Variants in PDE4D observed in about 807,000 individuals in gnomAD.
The protein encoded by PDE4D is phosphodiesterase 4D.
PDE4D carries 24 observed loss-of-function variants against 87.4 expected under a neutral mutation model. The observed-to-expected ratio is 0.27, with a 90% confidence interval of 0.20 to 0.39. The LOEUF (loss-of-function observed/expected upper bound fraction) is 0.39, where lower values mean the gene tolerates loss of function less well. Among genes scored for constraint, PDE4D ranks in the 10% least tolerant of loss-of-function variants. PDE4D has a pLI of 1.00. For synonymous variants in PDE4D, 384 were observed against 383.2 expected (o/e 1.00, Z -0.02); for missense variants, 714 against 1,041.0 (o/e 0.69, Z 4.32).
At chr5:59,489,751 G>A (rs1210690769) in intron 1 of PDE4D, among the ~76,000 whole-genome samples, 1 of 152,132 alleles carries the variant, frequency 6.6e-6, no homozygotes, top group African/African-American at 2.4e-5. Context: ...AAAGAAACTT[G>A]CAATGAAAGA....
intron 1 of PDE4D, among the ~76,000 whole-genome samples, chr5:59,708,662 T>G (rs925100957): frequency 6.6e-5 from 10 of 152,166 alleles, no homozygotes; most frequent in African/African-American, 2.4e-4. Flanking sequence ...AGGACACCTA[T>G]GTACCTTATC....
intron 3 of PDE4D, among the ~76,000 whole-genome samples, chr5:59,186,660 A>G (rs1253597115): frequency 6.6e-6 from 1 of 152,198 alleles, no homozygotes. Flanking sequence ...TGTGTAAGTC[A>G]ATGGAGAGCT....
At chr5:59,672,103 G>T (rs1310844868) in intron 1 of PDE4D, among the ~76,000 whole-genome samples, 1 of 152,146 alleles carries the variant, frequency 6.6e-6, no homozygotes, top group East Asian at 1.9e-4. Flanking sequence ...GGCAGGGCTG[G>T]AGCTAAAGTT....
intron 1 of PDE4D, among the ~76,000 whole-genome samples, chr5:59,749,360 A>C (rs1760092860): frequency 6.6e-6 from 1 of 152,074 alleles, no homozygotes; most frequent in Non-Finnish European, 1.5e-5. Flanking sequence ...TCCTGGGTTC[A>C]AGTGATGATT....
chr5:59,031,383 ATATATATATTAT>A (rs1299365436), intron 6 of PDE4D, among the ~76,000 whole-genome samples: 3 of 62,664 alleles, frequency 4.8e-5, no homozygotes, highest in South Asian at 4.7e-4. Flanking sequence ...ATATATATAT[ATATATATATTAT>A]ATATATATAT....
chr5:59,587,583 G>A (rs374859215), intron 1 of PDE4D: 1 of 985,422 alleles, frequency 1.0e-6, no homozygotes, highest in South Asian at 4.7e-5. Context: ...GCTCTGATCA[G>A]CTCAGGACAC....
At chr5:60,362,596 G>A (rs753650254) in intron 1 of PDE4D, among the ~76,000 whole-genome samples, 9 of 152,132 alleles carry the variant, frequency 5.9e-5, no homozygotes, top group South Asian at 2.1e-4. Flanking sequence ...AGTGGCTCAC[G>A]CCTGTAATCC....
intron 12 of PDE4D, among the ~76,000 whole-genome samples, chr5:58,976,979 G>C (rs774957111): frequency 4.6e-5 from 7 of 152,152 alleles, no homozygotes; most frequent in Admixed American, 1.3e-4. Flanking sequence ...TGATGAGGGT[G>C]AGCTGACATT....
intron 1 of PDE4D, among the ~76,000 whole-genome samples, chr5:59,451,486 C>T (rs17728654): frequency 0.085 from 12,916 of 152,210 alleles, 569 homozygotes; most frequent in Middle Eastern, 0.11. Context: ...TGGGGATAAC[C>T]GACATATACC....
chr5:59,284,187 A>G (rs1242503401), intron 1 of PDE4D, among the ~76,000 whole-genome samples: 1 of 152,160 alleles, frequency 6.6e-6, no homozygotes, highest in Admixed American at 6.5e-5. Flanking sequence ...TGCAATCTGA[A>G]TTAGGTGTCT....
chr5:60,330,558 G>A (rs1757230569), intron 1 of PDE4D, among the ~76,000 whole-genome samples: 1 of 152,158 alleles, frequency 6.6e-6, no homozygotes, highest in Non-Finnish European at 1.5e-5. Flanking sequence ...AGCCAGCATG[G>A]GTGGCCCACA....
chr5:59,717,306 A>G (rs1323153605), intron 1 of PDE4D, among the ~76,000 whole-genome samples: 1 of 152,228 alleles, frequency 6.6e-6, no homozygotes, highest in Non-Finnish European at 1.5e-5. Flanking sequence ...TCTCACTCTC[A>G]GAAATGCAAA....
chr5:59,038,853 G>T lies in PDE4D; in HGVS notation c.921+6C>A. 1.3e-6 allele frequency: 2 copies of T among 1,536,318 alleles called. No homozygotes were observed. Among genetic ancestry groups the T allele is most frequent in the Non-Finnish European group, 8.8e-7 (1 of 1,139,732 alleles). ...GGGCACCAGTGACAGCAGAACCGGG[G>T]CTTACCTTGTTGGAGGCCATCTCAC... On this transcript the variant is annotated splice_donor_region_variant and intron_variant, in intron 6 of 14. Coordinates refer to ENST00000340635, the MANE Select transcript of PDE4D (RefSeq NM_001104631.2).
intron 1 of PDE4D, among the ~76,000 whole-genome samples, chr5:59,234,284 TTTTC>T (rs139099011): frequency 2.0e-4 from 30 of 152,286 alleles, no homozygotes; most frequent in African/African-American, 5.5e-4. Flanking sequence ...TGTCTTTCTT[TTTTC>T]TTTTTTTGTA....
intron 2 of PDE4D, among the ~76,000 whole-genome samples, chr5:60,090,870 T>C (rs1775046799): frequency 6.6e-6 from 1 of 152,194 alleles, no homozygotes; most frequent in Non-Finnish European, 1.5e-5. Flanking sequence ...GTAACATTTC[T>C]ATATACCAAC....
intron 1 of PDE4D, among the ~76,000 whole-genome samples, chr5:60,257,996 T>C (rs1211970637): frequency 2.6e-5 from 4 of 151,940 alleles, no homozygotes; most frequent in African/African-American, 9.7e-5. Flanking sequence ...TCTGGACCTA[T>C]CTAATAATAG....
chr5:59,203,619 TTA>T (rs962435854), intron 2 of PDE4D, among the ~76,000 whole-genome samples: 52 of 142,814 alleles, frequency 3.6e-4, no homozygotes, highest in African/African-American at 1.1e-3. Flanking sequence ...AAAGAAAATG[TTA>T]TATACACACA....
chr5:59,869,572 T>G (rs1311475807), intron 1 of PDE4D, among the ~76,000 whole-genome samples: 1 of 152,112 alleles, frequency 6.6e-6, no homozygotes, highest in Admixed American at 6.5e-5. Context: ...AGACACTTGT[T>G]TGTGTTTTTG....
intron 3 of PDE4D, among the ~76,000 whole-genome samples, chr5:59,971,429 A>G (rs981555005): frequency 1.3e-5 from 2 of 152,100 alleles, no homozygotes; most frequent in African/African-American, 2.4e-5. Context: ...AGAGACAGAG[A>G]GAGAAATTAA....
Sources: allele counts gnomAD v4.1 joint callset (sites outside exome capture counted in the v4.1 genomes callset), GRCh38; gene constraint gnomAD v4.1.1; transcripts MANE v1.5; gene names NCBI Gene and HGNC (gene_info 2026-07-23, HGNC 2026-07-21).